Variants in AQP1 observed in about 807,000 individuals in gnomAD.
AQP1 encodes the protein aquaporin-1.
A neutral mutation model predicts 19.7 loss-of-function variants in AQP1; 11 were observed. That is an observed-to-expected ratio of 0.56 (90% CI 0.35 to 0.92). AQP1 has a LOEUF of 0.92. AQP1 is among the 40% of genes least tolerant of loss of function. The pLI is 0.01. For missense variants in AQP1, 320 were observed against 369.7 expected, an observed-to-expected ratio of 0.87 and a Z score of 1.10; for synonymous variants, 159 against 166.7, an observed-to-expected ratio of 0.95 and a Z score of 0.36.
At chr7:30,916,493 C>G (rs1791358180) in intron 1 of AQP1, among the ~76,000 whole-genome samples, 1 of 152,260 alleles carries the variant, frequency 6.6e-6, no homozygotes, top group Non-Finnish European at 1.5e-5. Flanking sequence ...GTCCGCGAGG[C>G]CCTGCAAGTG....
rs1562581037 is a variant in AQP1, at chr7:30,923,495, A to C, written c.676A>C (p.Ile226Leu). 1 of 1,613,952 alleles carries C rather than the reference A, an allele frequency of 6.2e-7. No homozygotes were observed. The highest frequency in any genetic ancestry group is 8.5e-7 in the Non-Finnish European group (1 of 1,180,020). The change falls in exon 4 of 4, where the codon ATC (isoleucine) becomes CTC (leucine). Residue 226 changes from isoleucine to leucine, a missense_variant. By Grantham distance (5) the Ile-to-Leu change is conservative. Coordinates refer to ENST00000311813, the MANE Select transcript of AQP1 (RefSeq NM_198098.4). This position sits in a 1 kb window ranked among gnomAD's most constrained non-coding sequence, Gnocchi z 4.8. ...CATCGGGGGAGCCCTGGCTGTACTC[A>C]TCTACGACTTCATCCTGGCCCCACG... is the stretch of plus-strand genomic sequence containing the variant. ...PFIGGALAVL[I>L]YDFILAPRSS...
intron 1 of AQP1, among the ~76,000 whole-genome samples, chr7:30,916,871 G>A (rs909097366): frequency 2.6e-5 from 4 of 152,126 alleles, no homozygotes; most frequent in African/African-American, 9.7e-5. Context: ...ATGCTTTCTG[G>A]TGAGGAGGCT....
rs1562581162 is a variant in AQP1 at position 30,923,656 on chromosome 7, A to AGGGGGC, written c.*28_*33dup. 8.6e-7 allele frequency: 1 copy of AGGGGGC among 1,161,588 alleles called. No individual in the cohort carries two copies. Among genetic ancestry groups the AGGGGGC allele is most frequent in the Non-Finnish European group, 1.1e-6 (1 of 880,254 alleles). 72.0% of individuals were successfully genotyped at this position (1,161,588 alleles called of 1,614,324 possible). ...AGGGGTCTGGCCCGGGCATCCACGT[A>AGGGGGC]GGGGGCAGGGGCAGGGGCGGGCGGA... is the stretch of plus-strand genomic sequence containing the variant. On this transcript the variant is annotated 3_prime_UTR_variant, in exon 4 of 4. Transcript: ENST00000311813. This position sits in a 1 kb window ranked among gnomAD's most constrained non-coding sequence, Gnocchi z 4.8.
chr7:30,920,686 T>C (rs1199260439), intron 1 of AQP1, among the ~76,000 whole-genome samples: 1 of 152,142 alleles, frequency 6.6e-6, no homozygotes, highest in African/African-American at 2.4e-5. Flanking sequence ...TGCCAGAAAG[T>C]AGAAGAGTCA....
chr7:30,921,963 G>A (rs1199867645), intron 1 of AQP1, 103 bp from the exon 2 acceptor site: 9 of 1,577,604 alleles, frequency 5.7e-6, no homozygotes, highest in Non-Finnish European at 6.9e-6. Context: ...CTGAGGGTCC[G>A]CCCTTCATGC....
At position 30,922,573 on chromosome 7, in the gene AQP1, A is replaced by G. The variant is rs1791548260; in HGVS notation, c.559A>G (p.Thr187Ala). The G allele has an allele frequency of 1.2e-6, 2 of 1,613,810 alleles. No individual in the cohort carries two copies. The highest frequency in any genetic ancestry group is 1.7e-6 in the Non-Finnish European group (2 of 1,179,906). ...ALGHLLAIDY[T>A]GCGINPARSF... is the part of the protein sequence containing the mutation. Reference sequence around the variant, plus strand: ...TTTCTTTCCCTCACAGATTGACTACACTGGCTGTGGGATTAACCCTGCTCG... The same window carrying G: ...TTTCTTTCCCTCACAGATTGACTACGCTGGCTGTGGGATTAACCCTGCTCG... Residue 187 changes from threonine (T) to alanine (A), a missense_variant, in exon 3 of 4, where the codon ACT (threonine) becomes GCT (alanine). Transcript: ENST00000311813.
At position 30,923,716 on chromosome 7, in the gene AQP1, T is replaced by G; in HGVS notation, c.*87T>G. 1.3e-6 allele frequency: 2 copies of G among 1,507,574 alleles called. No individual in the cohort carries two copies. The highest frequency in any genetic ancestry group is 1.8e-6 in the Non-Finnish European group (2 of 1,124,562). 93.4% of individuals were successfully genotyped at this position (1,507,574 alleles called of 1,614,324 possible). A position where few individuals can be genotyped will look rare whatever the true frequency, so the allele number is the denominator to read the frequency against. ...GGGGTGAAATCCATACTGTAGACAC[T>G]CTGACAAGCTGGCCAAAGTCACTTC... is the stretch of plus-strand genomic sequence containing the variant. On this transcript the variant is annotated 3_prime_UTR_variant, in exon 4 of 4. Coordinates refer to ENST00000311813, the MANE Select transcript of AQP1 (RefSeq NM_198098.4). This position sits in a 1 kb window ranked among gnomAD's most constrained non-coding sequence, Gnocchi z 4.8.
In AQP1 at chr7:30,923,594, G is replaced by A. The variant is rs761409742; in HGVS notation, c.775G>A (p.Asp259Asn). ...QVEEYDLDADDINSRVEMKPK is the reference protein window; with the variant it reads ...QVEEYDLDADNINSRVEMKPK The stretch of plus-strand genomic sequence containing the variant: ...GGAGGAGTATGACCTGGATGCCGAC[G>A]ACATCAACTCCAGGGTGGAGATGAA... The change falls in exon 4 of 4, where the codon GAC (aspartate) becomes AAC (asparagine). Residue 259 changes from aspartate to asparagine, a missense_variant. Physicochemically the swap from Asp to Asn is conservative, Grantham distance 23 (BLOSUM62 1). Transcript: ENST00000311813. The surrounding 1 kb of genome is among the most constrained non-coding windows in gnomAD (Gnocchi z 4.8). The A allele has an allele frequency of 8.7e-5, 139 of 1,589,736 alleles. No individual in the cohort carries two copies. The highest frequency in any genetic ancestry group is 1.1e-4 in the Non-Finnish European group (129 of 1,169,506).
intron 1 of AQP1, among the ~76,000 whole-genome samples, chr7:30,916,734 G>A (rs1791365087): frequency 6.6e-6 from 1 of 152,254 alleles, no homozygotes; most frequent in African/African-American, 2.4e-5. Flanking sequence ...CAATCTCGCT[G>A]TCAGGGCCCC....
rs1028784299 is a variant in AQP1, at chr7:30,923,296, C to T, written c.631-154C>T. Among the ~76,000 whole-genome samples the T allele has an allele frequency of 1.2e-4, 19 of 152,300 alleles. No homozygotes were observed. Among genetic ancestry groups the T allele is most frequent in the East Asian group, 1.9e-4 (1 of 5,184 alleles). ...GGCCTGGGCCGGTTCTGAGGGGCAC[C>T]GGAATCATGATGTTAGGATTTGGCT... On this transcript the variant is annotated intron_variant, in intron 3 of 3. Coordinates refer to ENST00000311813, the MANE Select transcript of AQP1 (RefSeq NM_198098.4). The surrounding 1 kb of genome is among the most constrained non-coding windows in gnomAD (Gnocchi z 4.8).
At position 30,922,337 on chromosome 7, in the gene AQP1, T is replaced by C; in HGVS notation, c.549+107T>C. 10 of 1,469,252 alleles carry C rather than the reference T, an allele frequency of 6.8e-6. No homozygotes were observed. In the South Asian group the frequency reaches 1.3e-4, roughly 19 times the overall value. 91.0% of individuals were successfully genotyped at this position (1,469,252 alleles called of 1,614,324 possible). ...GGACTCCCGACAGGGCTCTTGCCAT[T>C]GGGTGGAGGATGGCGGGTCAGCGCT... On this transcript the variant is annotated intron_variant, in intron 2 of 3. Coordinates refer to ENST00000311813, the MANE Select transcript of AQP1 (RefSeq NM_198098.4).
rs199545971 is a variant in AQP1, at chr7:30,912,094, C to T, written c.185C>T (p.Thr62Met). The T allele has an allele frequency of 2.6e-5, 42 of 1,613,318 alleles. No homozygotes were observed. Among genetic ancestry groups the T allele is most frequent in the South Asian group, 1.4e-4 (13 of 91,088 alleles). ...VSLAFGLSIA[T>M]LAQSVGHISG... is the part of the protein sequence containing the mutation. ...CTGGCCTTCGGGCTGAGCATCGCCA[C>T]GCTGGCGCAGAGTGTGGGCCACATC... The change falls in exon 1 of 4, where the codon ACG becomes ATG. Residue 62 changes from threonine (T) to methionine (M), a missense_variant. By Grantham distance (81) the Thr-to-Met change is moderately conservative. Coordinates refer to ENST00000311813, the MANE Select transcript of AQP1 (RefSeq NM_198098.4). The surrounding 1 kb of genome is among the most constrained non-coding windows in gnomAD (Gnocchi z 4.3).
At chr7:30,915,212 A>G (rs1791281910) in intron 1 of AQP1, among the ~76,000 whole-genome samples, 1 of 152,250 alleles carries the variant, frequency 6.6e-6, no homozygotes, top group South Asian at 2.1e-4. Context: ...CCCTGCAAGC[A>G]TGACCAGGGA....
intron 1 of AQP1, chr7:30,921,783 C>A (rs984130038): frequency 6.4e-7 from 1 of 1,550,668 alleles, no homozygotes; most frequent in Non-Finnish European, 8.7e-7. Flanking sequence ...GCAAAGGCCC[C>A]AGCTCACCCC....
chr7:30,917,716 A>G (rs1791393573), intron 1 of AQP1, among the ~76,000 whole-genome samples: 1 of 152,136 alleles, frequency 6.6e-6, no homozygotes, highest in Non-Finnish European at 1.5e-5. Flanking sequence ...GTTGATGAAA[A>G]AGAGTGTGCA....
At position 30,925,232 on chromosome 7, in the gene AQP1, A is replaced by G. The variant is rs1460771113; in HGVS notation, c.*1603A>G. On this transcript the variant is annotated 3_prime_UTR_variant, in exon 4 of 4. Coordinates refer to ENST00000311813, the MANE Select transcript of AQP1 (RefSeq NM_198098.4). ...CTGAGGCCCACGGTTTCAGCTAGAC[A>G]ATGATTTGGCCAGGCCTAGTAACCA... is the stretch of plus-strand genomic sequence containing the variant. 2.0e-5 allele frequency: 3 copies of G among 152,254 alleles called. No individual in the cohort carries two copies. The highest frequency in any genetic ancestry group is 7.2e-5 in the African/African-American group (3 of 41,460). 9.4% of individuals were successfully genotyped at this position (152,254 alleles called of 1,614,324 possible). A position where few individuals can be genotyped will look rare whatever the true frequency, so the allele number is the denominator to read the frequency against.
intron 1 of AQP1, among the ~76,000 whole-genome samples, chr7:30,914,706 C>A (rs1791266215): frequency 6.6e-6 from 1 of 152,114 alleles, no homozygotes; most frequent in Non-Finnish European, 1.5e-5. Context: ...GCTCCTGCAG[C>A]CTCTCTGGCC....
Position 30,925,152 on chromosome 7 carries a change from A to G in AQP1, c.*1523A>G, listed in dbSNP as rs1372949166. ...TATCACCAGTGCATCACATCTGCAC[A>G]CTCTCTTCTCCATTCCCTAGCAGGA... On this transcript the variant is annotated 3_prime_UTR_variant, in exon 4 of 4. Coordinates refer to ENST00000311813, the MANE Select transcript of AQP1 (RefSeq NM_198098.4). The G allele has an allele frequency of 6.6e-6, 1 of 152,226 alleles. No individual in the cohort carries two copies. The highest frequency in any genetic ancestry group is 1.5e-5 in the Non-Finnish European group (1 of 68,038). The allele number at this position is 152,226 out of a possible 1,614,324, so 9.4% of individuals were successfully genotyped here.
rs1312719270 is a variant in AQP1, at chr7:30,922,218, A to G, written c.537A>G (p.Gly179=). 2 of 1,605,148 alleles carry G rather than the reference A, an allele frequency of 1.2e-6. No individual in the cohort carries two copies. The highest frequency in any genetic ancestry group is 1.7e-6 in the Non-Finnish European group (2 of 1,179,038). The change falls in exon 2 of 4, where the codon GGA becomes GGG. Residue 179 remains glycine (G), a synonymous_variant. Coordinates refer to ENST00000311813, the MANE Select transcript of AQP1 (RefSeq NM_198098.4). ...PLAIGLSVAL[G]HLLAIDYTGC... ...CCATCGGCCTCTCTGTAGCCCTTGGACACCTCCTGGCTGTGAGTCAGGGGC... is the reference window on the plus strand; with the variant it reads ...CCATCGGCCTCTCTGTAGCCCTTGGGCACCTCCTGGCTGTGAGTCAGGGGC...
Sources: gnomAD v4.1 joint callset for allele counts (sites outside exome capture counted in the v4.1 genomes callset) on GRCh38, gnomAD v4.1.1 for gene constraint, Gnocchi (gnomAD v3.1) non-coding constraint, MANE v1.5 for transcripts, NCBI Gene and HGNC (gene_info 2026-07-23, HGNC 2026-07-21) for gene names.